Variants in GPC3 observed in about 807,000 individuals in gnomAD.
The protein encoded by GPC3 is glypican 3.
In GPC3, 3 loss-of-function variants were observed where a neutral mutation model predicts 34.4. That is an observed-to-expected ratio of 0.09 (90% CI 0.04 to 0.23). GPC3 has a LOEUF of 0.23. GPC3 is among the 10% of genes least tolerant of loss of function. GPC3 has a pLI of 1.00. For missense variants in GPC3, 351 were observed against 445.6 expected, an observed-to-expected ratio of 0.79 and a Z score of 1.91; for synonymous variants, 177 against 174.0, an observed-to-expected ratio of 1.02 and a Z score of -0.13.
At chrX:133,873,358 T>C (rs1257173367) in intron 2 of GPC3, among the ~76,000 whole-genome samples, 1 of 112,202 alleles carries the variant, frequency 8.9e-6, no homozygotes, top group African/African-American at 3.2e-5. Flanking sequence ...GGCCAGCCAA[T>C]GAAAAATGCA....
Position 133,609,984 on chromosome X carries a change from G to T in GPC3, c.1414-13385C>A, listed in dbSNP as rs911868023. On this transcript the variant is annotated intron_variant, in intron 6 of 7. Transcript: ENST00000370818. ...TACAATCATTTCCATGCTCATCTGG[G>T]TGTCTCTCATCATTGCCTCTTATTC... Among the ~76,000 whole-genome samples, 3 of 111,677 alleles carry T rather than the reference G, an allele frequency of 2.7e-5. No individual in the cohort carries two copies. The Admixed American group carries it at 2.9e-4, about 11-fold the overall frequency.
chrX:133,914,430 T>C (rs2076214008), intron 2 of GPC3, among the ~76,000 whole-genome samples: 2 of 111,317 alleles, frequency 1.8e-5, no homozygotes, highest in Non-Finnish European at 3.8e-5. Context: ...GCCCTATACC[T>C]ATACCCTGGC....
chrX:133,577,196 T>C (rs1018815608), intron 7 of GPC3, among the ~76,000 whole-genome samples: 1 of 112,155 alleles, frequency 8.9e-6, no homozygotes, highest in Non-Finnish European at 1.9e-5. Context: ...ACAGCCCAGA[T>C]AGCAAGAGAG....
chrX:133,557,510 C>A (rs911549180), intron 7 of GPC3, among the ~76,000 whole-genome samples: 13 of 110,756 alleles, frequency 1.2e-4, no homozygotes, highest in African/African-American at 4.3e-4. Context: ...CAAACCCCAG[C>A]ATGACACGAG....
intron 3 of GPC3, among the ~76,000 whole-genome samples, chrX:133,717,650 A>G (rs2071328553): frequency 9.0e-6 from 1 of 110,525 alleles, no homozygotes; most frequent in Non-Finnish European, 1.9e-5. Context: ...AGGGACTGGA[A>G]TTGCTCACTC....
At chrX:133,613,087 G>A (rs780765186) in intron 6 of GPC3, among the ~76,000 whole-genome samples, 8 of 110,865 alleles carry the variant, frequency 7.2e-5, no homozygotes, top group Non-Finnish European at 1.5e-4. Flanking sequence ...AAAGGCTTTG[G>A]TACCTTAAAA....
intron 2 of GPC3, among the ~76,000 whole-genome samples, chrX:133,835,054 G>A (rs1271839137): frequency 1.8e-5 from 2 of 111,856 alleles, no homozygotes; most frequent in African/African-American, 6.5e-5. Context: ...AAAATGTAAA[G>A]GCCCTATATT....
chrX:133,881,505 G>A (rs776944870), intron 2 of GPC3, among the ~76,000 whole-genome samples: 12 of 111,954 alleles, frequency 1.1e-4, no homozygotes, highest in African/African-American at 1.6e-4. Context: ...ATTAGCAAAC[G>A]CATTTATCAA....
chrX:133,761,674 G>A (rs1428455211), intron 2 of GPC3, among the ~76,000 whole-genome samples: 1 of 111,604 alleles, frequency 9.0e-6, no homozygotes, highest in African/African-American at 3.3e-5. Context: ...TCAGTCAAAG[G>A]GTCCTCAGAA....
intron 5 of GPC3, among the ~76,000 whole-genome samples, chrX:133,684,882 C>CT (rs370742490): frequency 0.026 from 2,649 of 100,646 alleles, 84 homozygotes; most frequent in African/African-American, 0.08. Flanking sequence ...GCATATAGGT[C>CT]TTTTTTTTTT....
At chrX:133,949,960 G>A (rs1473713946) in intron 2 of GPC3, among the ~76,000 whole-genome samples, 2 of 111,739 alleles carry the variant, frequency 1.8e-5, no homozygotes, top group African/African-American at 3.2e-5. Context: ...GACCTCATAG[G>A]GCTGTTGGGA....
intron 3 of GPC3, among the ~76,000 whole-genome samples, chrX:133,705,130 A>T (rs2071203003): frequency 8.9e-6 from 1 of 112,046 alleles, no homozygotes; most frequent in South Asian, 3.7e-4. Context: ...TAACTTCTAC[A>T]TCCATTCTCC....
intron 1 of GPC3, among the ~76,000 whole-genome samples, chrX:133,977,168 C>A (rs2076520082): frequency 9.0e-6 from 1 of 111,025 alleles, no homozygotes; most frequent in Non-Finnish European, 1.9e-5. Context: ...TTCTTACATT[C>A]ATTCCAACTA....
chrX:133,815,801 T>C (rs1327710357), intron 2 of GPC3, among the ~76,000 whole-genome samples: 1 of 111,945 alleles, frequency 8.9e-6, no homozygotes, highest in Non-Finnish European at 1.9e-5. Context: ...TCAGTAGTTG[T>C]TCTAAATGCA....
rs199526575 is a variant in GPC3 at position 133,565,544 on chromosome X, G to GCT, written c.1574-29253_1574-29252dup. Among the ~76,000 whole-genome samples, 17 of 110,681 alleles carry GCT rather than the reference G, an allele frequency of 1.5e-4. 1 individual carries two copies. Among genetic ancestry groups the GCT allele is most frequent in the African/African-American group, 3.0e-4 (9 of 30,457 alleles). ...AAATAACTGGCTGCATTGAATTCTT[G>GCT]CTCTCTCTCTCTCTCATCACCTTCT... is the stretch of plus-strand genomic sequence containing the variant. On this transcript the variant is annotated intron_variant, in intron 7 of 7. Coordinates refer to ENST00000370818, the MANE Select transcript of GPC3 (RefSeq NM_004484.4).
chrX:133,670,963 C>G (rs1241862829), intron 5 of GPC3: 1 of 457,420 alleles, frequency 2.2e-6, no homozygotes, highest in Non-Finnish European at 3.9e-6. Context: ...TGAGGATAGA[C>G]AGCCATCATG....
chrX:133,820,085 G>A (rs2075711966), intron 2 of GPC3, among the ~76,000 whole-genome samples: 1 of 111,745 alleles, frequency 8.9e-6, no homozygotes, highest in African/African-American at 3.3e-5. Flanking sequence ...TGACAATGAG[G>A]AAGCCAATAA....
intron 6 of GPC3, among the ~76,000 whole-genome samples, chrX:133,648,505 T>C (rs899631648): frequency 8.9e-6 from 1 of 111,766 alleles, no homozygotes; most frequent in African/African-American, 3.3e-5. Flanking sequence ...GCCTCCAATT[T>C]CTGATCTTTA....
chrX:133,938,078 T>C (rs2076330269), intron 2 of GPC3, among the ~76,000 whole-genome samples: 1 of 112,055 alleles, frequency 8.9e-6, no homozygotes, highest in Non-Finnish European at 1.9e-5. Flanking sequence ...GGATCTTCAC[T>C]AAGCCAAATT....
Sources: allele counts gnomAD v4.1 joint callset (sites outside exome capture counted in the v4.1 genomes callset), GRCh38; gene constraint gnomAD v4.1.1; transcripts MANE v1.5; gene names NCBI Gene and HGNC (gene_info 2026-07-23, HGNC 2026-07-21).